CUTC: variants seen among roughly 807,000 people sequenced by gnomAD.
CUTC encodes copper homeostasis protein cutC homolog.
CUTC carries 27 observed loss-of-function variants against 36.2 expected under a neutral mutation model. The ratio of observed to expected loss-of-function variants is 0.75; its 90% CI spans 0.55 to 1.03. The LOEUF is 1.03. Ranked by LOEUF, CUTC falls within the 50% of genes least tolerant of loss-of-function variation. The probability of loss-of-function intolerance (pLI) is 0.00; values close to 1 mark genes in which losing one functional copy is unlikely to be tolerated. For missense variants in CUTC, 315 were observed against 343.5 expected, an observed-to-expected ratio of 0.92 and a Z score of 0.66; for synonymous variants, 114 against 118.3, an observed-to-expected ratio of 0.96 and a Z score of 0.24.
intron 7 of CUTC, among the ~76,000 whole-genome samples, chr10:99,752,397 A>G (rs942133585): frequency 1.3e-5 from 2 of 151,882 alleles, no homozygotes; most frequent in Admixed American, 6.6e-5. Context: ...AAAAAAAAAA[A>G]GGCCATATAA....
intron 1 of CUTC, among the ~76,000 whole-genome samples, chr10:99,734,064 ATTTTTTT>A (rs565604340): frequency 1.9e-5 from 2 of 103,346 alleles, no homozygotes. Context: ...GACTGATAGT[ATTTTTTT>A]TTTTTTTTTT....
chr10:99,746,812 C>T (rs899564811), intron 5 of CUTC, among the ~76,000 whole-genome samples: 18 of 152,098 alleles, frequency 1.2e-4, no homozygotes, highest in Non-Finnish European at 2.4e-4. Flanking sequence ...CTTGCTCTGT[C>T]GTCCAGGCTA....
intron 7 of CUTC, among the ~76,000 whole-genome samples, chr10:99,753,829 A>G (rs1480653155): frequency 2.6e-5 from 4 of 152,336 alleles, no homozygotes; most frequent in Non-Finnish European, 5.9e-5. Flanking sequence ...ATGGCTTGAG[A>G]TACAAAGTAC....
At chr10:99,742,275 A>C (rs544126769) in intron 3 of CUTC, among the ~76,000 whole-genome samples, 1 of 152,152 alleles carries the variant, frequency 6.6e-6, no homozygotes, top group African/African-American at 2.4e-5. Context: ...GGCCAAAAGC[A>C]GAAGTCTGTG....
intron 5 of CUTC, among the ~76,000 whole-genome samples, chr10:99,746,956 TG>T (rs950104848): frequency 1.3e-5 from 2 of 152,084 alleles, no homozygotes; most frequent in African/African-American, 4.8e-5. Flanking sequence ...ATTGTAGATA[TG>T]GGGTCTTGCC....
chr10:99,733,106 C>T (rs1039515077), intron 1 of CUTC, among the ~76,000 whole-genome samples: 6 of 151,940 alleles, frequency 3.9e-5, no homozygotes, highest in Non-Finnish European at 7.4e-5. Flanking sequence ...CTCAGGAGTT[C>T]GAGACCAGCC....
intron 5 of CUTC, 95 bp downstream of exon 5, chr10:99,744,167 T>C (rs1229298713): frequency 1.1e-6 from 1 of 951,032 alleles, no homozygotes; most frequent in East Asian, 2.6e-5. Flanking sequence ...AATTCTGTAG[T>C]GTTCCAAGGT....
At chr10:99,747,525 T>G in intron 6 of CUTC, 135 bp downstream of exon 6, 1 of 922,282 alleles carries the variant, frequency 1.1e-6, no homozygotes, top group Non-Finnish European at 1.6e-6. Flanking sequence ...CAGGCAATAA[T>G]GTATATAATT....
In CUTC at chr10:99,747,249, T is replaced by G; in HGVS notation, c.440-8T>G. The G allele has an allele frequency of 1.9e-6, 3 of 1,612,010 alleles. No individual in the cohort carries two copies. Among genetic ancestry groups the G allele is most frequent in the Non-Finnish European group, 2.5e-6 (3 of 1,179,448 alleles). ...GTTCAAAATTCACATCAGTTTTATT[T>G]ATTTCAGCCTTTGACATGGTTCATG... On this transcript the variant is annotated splice_region_variant and splice_polypyrimidine_tract_variant and intron_variant, in intron 5 of 8. Coordinates refer to ENST00000370476, the MANE Select transcript of CUTC (RefSeq NM_015960.3).
At chr10:99,746,753 A>AT (rs1400297381) in intron 5 of CUTC, among the ~76,000 whole-genome samples, 2 of 151,780 alleles carry the variant, frequency 1.3e-5, no homozygotes, top group African/African-American at 2.4e-5. Flanking sequence ...CCTTCACTGA[A>AT]TTTTTTTATT....
intron 5 of CUTC, 62 bp from the exon 6 acceptor site, chr10:99,747,195 T>G: frequency 6.3e-7 from 1 of 1,582,876 alleles, no homozygotes; most frequent in Non-Finnish European, 8.6e-7. Context: ...GTATACTACA[T>G]TTTGGGAAAC....
intron 2 of CUTC, among the ~76,000 whole-genome samples, chr10:99,739,123 T>C (rs1014272305): frequency 6.6e-5 from 10 of 152,204 alleles, no homozygotes; most frequent in Non-Finnish European, 1.0e-4. Flanking sequence ...TTTAGATATA[T>C]TTTGTGTGTT....
At chr10:99,743,964 C>T in intron 4 of CUTC, 73 bp from the exon 5 acceptor site, 1 of 1,233,362 alleles carries the variant, frequency 8.1e-7, no homozygotes, top group Non-Finnish European at 1.1e-6. Flanking sequence ...TTTCAGCTAA[C>T]ATGGAGAATT....
Position 99,754,593 on chromosome 10 carries a change from C to G in CUTC, c.666C>G (p.His222Gln), listed in dbSNP as rs773360450. The change falls in exon 8 of 9, where the codon CAC becomes CAG. Residue 222 changes from histidine (H) to glutamine (Q), a missense_variant. Physicochemically the swap from His to Gln is conservative, Grantham distance 24 (BLOSUM62 0). Coordinates refer to ENST00000370476, the MANE Select transcript of CUTC (RefSeq NM_015960.3). ...AGGGTTCAGGTGCTACAGAATTCCA[C>G]TGTTCTGCTCGGTCTACTAGAGACT... ...ILEGSGATEF[H>Q]CSARSTRDSG... 2 of 1,613,782 alleles carry G rather than the reference C, an allele frequency of 1.2e-6. No individual in the cohort carries two copies. The highest frequency in any genetic ancestry group is 1.7e-6 in the Non-Finnish European group (2 of 1,179,762).
intron 7 of CUTC, 51 bp downstream of exon 7, chr10:99,750,447 GA>G (rs2037408101): frequency 5.5e-6 from 8 of 1,443,718 alleles, no homozygotes; most frequent in Non-Finnish European, 7.5e-6. Flanking sequence ...TATAGTGGAG[GA>G]AGAGCAAAGG....
intron 8 of CUTC, 61 bp downstream of exon 8, chr10:99,754,695 A>G: frequency 8.1e-7 from 1 of 1,238,094 alleles, no homozygotes; most frequent in Non-Finnish European, 1.2e-6. Flanking sequence ...TTTCTCCCAA[A>G]TAGAAAAACT....
intron 3 of CUTC, among the ~76,000 whole-genome samples, chr10:99,742,905 A>G (rs987998594): frequency 2.0e-5 from 3 of 152,220 alleles, no homozygotes; most frequent in Non-Finnish European, 2.9e-5. Context: ...TCACCTACCA[A>G]TAAAAGGGTT....
At chr10:99,739,901 A>G in intron 3 of CUTC, 132 bp downstream of exon 3, 1 of 689,292 alleles carries the variant, frequency 1.5e-6, no homozygotes, top group South Asian at 2.2e-5. Flanking sequence ...AGAAATGTTT[A>G]TGATTGTAAA....
chr10:99,746,742 AC>A, intron 5 of CUTC, among the ~76,000 whole-genome samples: 1 of 152,058 alleles, frequency 6.6e-6, no homozygotes, highest in Admixed American at 6.5e-5. Flanking sequence ...TAAATACTCT[AC>A]CTTCACTGAA....
Sources: gnomAD v4.1 joint callset for allele counts (sites outside exome capture counted in the v4.1 genomes callset) on GRCh38, gnomAD v4.1.1 for gene constraint, MANE v1.5 for transcripts, NCBI Gene and HGNC (gene_info 2026-07-23, HGNC 2026-07-21) for gene names.